Variants in GCA observed in about 807,000 individuals in gnomAD.
GCA encodes the protein grancalcin, EF-hand calcium-binding protein.
GCA carries 30 observed loss-of-function variants against 32.6 expected under a neutral mutation model. That is an observed-to-expected ratio of 0.92 (90% CI 0.69 to 1.25). The LOEUF (loss-of-function observed/expected upper bound fraction) is 1.25, where lower values mean the gene tolerates loss of function less well. Among genes scored for constraint, GCA ranks in the 50% most tolerant of loss-of-function variants. The pLI is 0.00. For synonymous variants in GCA, 102 were observed against 84.6 expected (o/e 1.21, Z -1.13); for missense variants, 291 against 266.8 (o/e 1.09, Z -0.63).
chr2:162,322,487 A>C (rs551726826), intron 1 of GCA, among the ~76,000 whole-genome samples: 1 of 151,004 alleles, frequency 6.6e-6, no homozygotes, highest in Non-Finnish European at 1.5e-5. Flanking sequence ...TACATGTGTC[A>C]TGCTGGTGCG....
intron 1 of GCA, among the ~76,000 whole-genome samples, chr2:162,323,669 C>T (rs1348512508): frequency 6.6e-6 from 1 of 151,834 alleles, no homozygotes; most frequent in African/African-American, 2.4e-5. Flanking sequence ...ATAGGGAATA[C>T]TTTCCCCATT....
intron 4 of GCA, among the ~76,000 whole-genome samples, chr2:162,370,148 T>G (rs1016041866): frequency 2.0e-5 from 3 of 152,124 alleles, no homozygotes; most frequent in Admixed American, 6.6e-5. Context: ...AGTGCAATAG[T>G]TTTAGTAACT....
upstream of GCA, among the ~76,000 whole-genome samples, chr2:162,343,640 G>A (rs1481175448): frequency 6.6e-6 from 1 of 152,186 alleles, no homozygotes; most frequent in Non-Finnish European, 1.5e-5. Context: ...ACTCCTCCTG[G>A]ACCACAGGTG....
intron 1 of GCA, among the ~76,000 whole-genome samples, chr2:162,347,021 A>G (rs917155263): frequency 1.3e-5 from 2 of 152,228 alleles, no homozygotes; most frequent in African/African-American, 4.8e-5. Context: ...CAGTTTCTTT[A>G]AACATTTTGC....
chr2:162,323,832 T>A (rs1683775059), intron 1 of GCA, among the ~76,000 whole-genome samples: 1 of 151,890 alleles, frequency 6.6e-6, no homozygotes, highest in Non-Finnish European at 1.5e-5. Flanking sequence ...TTGTTTGAAG[T>A]CAGGTAGGGT....
exon 1 of GCA, chr2:162,319,207 T>G (rs758334397): frequency 2.2e-6 from 1 of 457,122 alleles, no homozygotes; most frequent in South Asian, 1.5e-5. Context: ...CACTAACTTG[T>G]TTCCCTGGGA....
chr2:162,345,120 G>C (rs1248752663), intron 1 of GCA, among the ~76,000 whole-genome samples: 2 of 149,410 alleles, frequency 1.3e-5, no homozygotes, highest in East Asian at 3.9e-4. Flanking sequence ...GGTGGTGGTG[G>C]TGGTGGTGGT....
At chr2:162,327,480 C>T (rs1683927235) in intron 1 of GCA, among the ~76,000 whole-genome samples, 1 of 152,158 alleles carries the variant, frequency 6.6e-6, no homozygotes, top group Admixed American at 6.5e-5. Context: ...TTATAATTAT[C>T]TTTCCCATCC....
At chr2:162,347,823 T>TA in intron 2 of GCA, 81 bp downstream of exon 2, 1 of 792,572 alleles carries the variant, frequency 1.3e-6, no homozygotes, top group Non-Finnish European at 1.8e-6. Context: ...AGTATCATTT[T>TA]AAATGTATAT....
downstream of GCA, among the ~76,000 whole-genome samples, chr2:162,368,051 G>C (rs1371567883): frequency 6.6e-6 from 1 of 151,848 alleles, no homozygotes; most frequent in Admixed American, 6.6e-5. Context: ...GATCACGTGA[G>C]GGAGGGCTTG....
intron 7 of GCA, among the ~76,000 whole-genome samples, 193 bp from the exon 8 acceptor site, chr2:162,360,024 T>A (rs931485342): frequency 2.6e-5 from 4 of 151,220 alleles, no homozygotes; most frequent in Non-Finnish European, 5.9e-5. Flanking sequence ...TGTTTCAGGG[T>A]TTTTGTTTTG....
Position 162,361,705 on chromosome 2 carries a change from A to G in GCA, c.*1462A>G, listed in dbSNP as rs1363611770. 1.0e-6 allele frequency: 1 copy of G among 980,550 alleles called. No individual in the cohort carries two copies. Among genetic ancestry groups the G allele is most frequent in the Admixed American group, 6.2e-5 (1 of 16,132 alleles). 60.7% of individuals were successfully genotyped at this position (980,550 alleles called of 1,614,324 possible). On this transcript the variant is annotated 3_prime_UTR_variant, in exon 8 of 8. Coordinates refer to ENST00000437150, the MANE Select transcript of GCA (RefSeq NM_012198.5). ...TTATAAAAATGTGTGAATAGGTAAT[A>G]CACATAATTTTGTTCTCTGGCTTTT...
At chr2:162,353,626 C>T (rs949476460) in intron 3 of GCA, among the ~76,000 whole-genome samples, 7 of 152,150 alleles carry the variant, frequency 4.6e-5, no homozygotes, top group African/African-American at 1.7e-4. Context: ...TTGTTTCTAG[C>T]GTCCCTTGTT....
intron 1 of GCA, among the ~76,000 whole-genome samples, chr2:162,330,117 T>C (rs1479494798): frequency 6.6e-6 from 1 of 152,238 alleles, no homozygotes; most frequent in African/African-American, 2.4e-5. Flanking sequence ...CTATTGTGAA[T>C]AGTGCTGCAA....
chr2:162,319,875 G>C (rs1683601958), intron 1 of GCA, among the ~76,000 whole-genome samples: 1 of 152,194 alleles, frequency 6.6e-6, no homozygotes, highest in Admixed American at 6.5e-5. Flanking sequence ...AAACCTGATA[G>C]TGCTTTGAAC....
At chr2:162,351,906 T>G (rs1385477632) in intron 2 of GCA, among the ~76,000 whole-genome samples, 1 of 152,106 alleles carries the variant, frequency 6.6e-6, no homozygotes, top group African/African-American at 2.4e-5. Context: ...CTAGGGGTAA[T>G]GGTGGGGGAA....
At chr2:162,371,482 G>A (rs1685944165) in exon 5 of GCA, 4 of 1,249,880 alleles carry the variant, frequency 3.2e-6, no homozygotes, top group Non-Finnish European at 4.1e-6. Context: ...TGCGTGGAAG[G>A]CATTTTCATA....
upstream of GCA, among the ~76,000 whole-genome samples, chr2:162,339,896 C>G (rs895700221): frequency 3.9e-5 from 6 of 152,314 alleles, no homozygotes; most frequent in African/African-American, 1.2e-4. Context: ...CTAACAGACA[C>G]TGTGTACGTA....
intron 6 of GCA, 52 bp from the exon 7 acceptor site, chr2:162,359,442 T>A: frequency 1.2e-6 from 1 of 855,144 alleles, no homozygotes; most frequent in Non-Finnish European, 1.9e-6. Context: ...CACTAAATAT[T>A]TGAAACTATG....
Sources: allele counts gnomAD v4.1 joint callset (sites outside exome capture counted in the v4.1 genomes callset), GRCh38; gene constraint gnomAD v4.1.1; transcripts MANE v1.5; gene names NCBI Gene and HGNC (gene_info 2026-07-23, HGNC 2026-07-21).